TMEM68: variants seen among roughly 807,000 people sequenced by gnomAD.
The protein encoded by TMEM68 is transmembrane protein 68, also known as DGAT1/2-independent enzyme synthesizing storage lipids.
In TMEM68, 25 loss-of-function variants were observed where a neutral mutation model predicts 36.9. The ratio of observed to expected loss-of-function variants is 0.68; its 90% CI spans 0.49 to 0.95. TMEM68 has a LOEUF of 0.95. Ranked by LOEUF, TMEM68 falls within the 40% of genes least tolerant of loss-of-function variation. TMEM68 has a pLI of 0.00. For missense variants in TMEM68, 333 were observed against 392.0 expected (o/e 0.85, Z 1.27); for synonymous variants, 131 against 124.4 (o/e 1.05, Z -0.35).
intron 3 of TMEM68, 121 bp downstream of exon 3, chr8:55,762,514 T>C (rs1810826784): frequency 6.6e-7 from 1 of 1,520,566 alleles, no homozygotes; most frequent in Admixed American, 2.1e-5. Context: ...TAACAGGGAA[T>C]AGTAAATATC....
chr8:55,754,401 C>A (rs1343976590), intron 4 of TMEM68, among the ~76,000 whole-genome samples: 1 of 142,230 alleles, frequency 7.0e-6, no homozygotes, highest in African/African-American at 2.6e-5. Flanking sequence ...CGAGATTATG[C>A]CACTGCACTC....
intron 3 of TMEM68, chr8:55,761,696 G>A (rs1027652519): frequency 6.6e-6 from 1 of 152,116 alleles, no homozygotes; most frequent in African/African-American, 2.4e-5. Context: ...AAAATTTGTA[G>A]GTTCGTTAAG....
Position 55,771,971 on chromosome 8 carries a change from TC to T in TMEM68, c.-115+1297del, listed in dbSNP as rs980323268. Among the ~76,000 whole-genome samples, 206 of 152,258 alleles carry T rather than the reference TC, an allele frequency of 1.4e-3. 1 individual carries two copies. The highest frequency in any genetic ancestry group is 4.4e-3 in the Admixed American group (68 of 15,290). ...GATACAAATTACCCTTCAAGACTTT[TC>T]TTTAATCCTAGAATGCCCAACTTCT... On this transcript the variant is annotated intron_variant, in intron 1 of 7. Transcript: ENST00000434581.
At chr8:55,747,724 T>C (rs1288013859) in intron 5 of TMEM68, 1 of 152,184 alleles carries the variant, frequency 6.6e-6, no homozygotes, top group Non-Finnish European at 1.5e-5. Context: ...TGGAAATCAC[T>C]ACTAGTTTTG....
intron 5 of TMEM68, 156 bp from the exon 6 acceptor site, chr8:55,745,277 A>C (rs1186535435): frequency 2.4e-6 from 1 of 414,028 alleles, no homozygotes; most frequent in Non-Finnish European, 4.2e-6. Flanking sequence ...TGATCCCAGA[A>C]GCTAAGCAGG....
chr8:55,752,119 A>G (rs981261891), intron 4 of TMEM68, among the ~76,000 whole-genome samples: 1 of 151,574 alleles, frequency 6.6e-6, no homozygotes, highest in Non-Finnish European at 1.5e-5. Flanking sequence ...GGGGCAGGAG[A>G]ATGGCTTCAA....
intron 3 of TMEM68, 45 bp from the exon 4 acceptor site, chr8:55,756,456 T>C: frequency 6.6e-7 from 1 of 1,508,282 alleles, no homozygotes; most frequent in Non-Finnish European, 8.8e-7. Context: ...TATTCATTAA[T>C]TCGTTTACAG....
intron 1 of TMEM68, among the ~76,000 whole-genome samples, chr8:55,766,013 G>C (rs1362526590): frequency 6.6e-6 from 1 of 152,172 alleles, no homozygotes; most frequent in Non-Finnish European, 1.5e-5. Flanking sequence ...GGGGAAGATA[G>C]ACAGTAAACA....
chr8:55,742,191 A>C (rs1193376986), intron 7 of TMEM68, among the ~76,000 whole-genome samples: 2 of 152,230 alleles, frequency 1.3e-5, no homozygotes. Flanking sequence ...AGGTATCTAA[A>C]GTGGTCAAAG....
intron 3 of TMEM68, among the ~76,000 whole-genome samples, chr8:55,758,135 G>A (rs1304553764): frequency 2.0e-5 from 3 of 152,132 alleles, no homozygotes; most frequent in Non-Finnish European, 4.4e-5. Context: ...ACTGAAGGTG[G>A]AGCAGAAACA....
Position 55,743,507 on chromosome 8 carries a change from T to C in TMEM68, c.862A>G (p.Ile288Val), listed in dbSNP as rs1251932398. Reference sequence around the variant, plus strand: ...TTTTCAGCTAATTCTTCCGCTGTTATCTGTGGGTCATACGGAATGGGGTCG... The same window carrying C: ...TTTTCAGCTAATTCTTCCGCTGTTACCTGTGGGTCATACGGAATGGGGTCG... ...LGDPIPYDPQ[I>V]TAEELAEKTK... is the part of the protein sequence containing the mutation. The change falls in exon 7 of 8, where the codon ATA becomes GTA. Residue 288 changes from isoleucine (I) to valine (V), a missense_variant. By Grantham distance (29) the Ile-to-Val change is conservative. Coordinates refer to ENST00000434581, the MANE Select transcript of TMEM68 (RefSeq NM_001286657.2). 12 of 1,534,858 alleles carry C rather than the reference T, an allele frequency of 7.8e-6. No individual in the cohort carries two copies. In the East Asian group the frequency reaches 2.9e-4, roughly 38 times the overall value.
intron 5 of TMEM68, chr8:55,747,016 C>T (rs1459077033): frequency 1.3e-5 from 2 of 152,124 alleles, no homozygotes; most frequent in South Asian, 2.1e-4. Context: ...CAGAAATAGA[C>T]AGCAGCAATC....
intron 2 of TMEM68, chr8:55,763,716 A>ATATGTTTTTAT (rs1810877498): frequency 1.5e-4 from 6 of 41,152 alleles, no homozygotes; most frequent in Admixed American, 2.9e-4. Context: ...ACAAAAGAAA[A>ATATGTTTTTAT]CATCAATATC....
intron 5 of TMEM68, among the ~76,000 whole-genome samples, chr8:55,749,549 G>C (rs1810374793): frequency 6.6e-6 from 1 of 152,170 alleles, no homozygotes; most frequent in South Asian, 2.1e-4. Context: ...CAGACTCACT[G>C]TGCAATGTAG....
At chr8:55,765,194 G>GT (rs1810926765) in intron 1 of TMEM68, among the ~76,000 whole-genome samples, 1 of 152,122 alleles carries the variant, frequency 6.6e-6, no homozygotes, top group Non-Finnish European at 1.5e-5. Flanking sequence ...TAACTTCCCC[G>GT]TAACTTTTCC....
At chr8:55,745,535 G>A (rs1199842287) in intron 5 of TMEM68, 1 of 152,280 alleles carries the variant, frequency 6.6e-6, no homozygotes, top group Non-Finnish European at 1.5e-5. Flanking sequence ...TCATTGACCA[G>A]TTTTCCTAAC....
chr8:55,754,615 A>G (rs1368469361), intron 4 of TMEM68, among the ~76,000 whole-genome samples: 1 of 133,500 alleles, frequency 7.5e-6, no homozygotes, highest in East Asian at 2.0e-4. Flanking sequence ...TATTTATATT[A>G]TATATAAAAT....
intron 1 of TMEM68, among the ~76,000 whole-genome samples, chr8:55,772,801 C>T (rs1328305515): frequency 6.6e-6 from 1 of 152,174 alleles, no homozygotes; most frequent in Non-Finnish European, 1.5e-5. Flanking sequence ...AACGCTCTAC[C>T]CACGCGGCTT....
At position 55,738,858 on chromosome 8, in the gene TMEM68, A is replaced by C. The variant is rs1810013485; in HGVS notation, c.*1274T>G. 1 of 152,654 alleles carries C rather than the reference A, an allele frequency of 6.6e-6. No homozygotes were observed. Among genetic ancestry groups the C allele is most frequent in the African/African-American group, 2.4e-5 (1 of 41,456 alleles). 9.5% of individuals were successfully genotyped at this position (152,654 alleles called of 1,614,324 possible). A position where few individuals can be genotyped will look rare whatever the true frequency, so the allele number is the denominator to read the frequency against. ...ACCCTACTAATTCAACATTTAAAAA[A>C]GGGAGAGGGAGATACTGCATTTGAT... On this transcript the variant is annotated 3_prime_UTR_variant, in exon 8 of 8. Coordinates refer to ENST00000434581, the MANE Select transcript of TMEM68 (RefSeq NM_001286657.2).
Sources: gnomAD v4.1 joint callset for allele counts (sites outside exome capture counted in the v4.1 genomes callset) on GRCh38, gnomAD v4.1.1 for gene constraint, MANE v1.5 for transcripts, NCBI Gene and HGNC (gene_info 2026-07-23, HGNC 2026-07-21) for gene names.